Variants in PTPRK observed in about 807,000 individuals in gnomAD.
PTPRK encodes protein tyrosine phosphatase receptor type K.
In PTPRK, 75 loss-of-function variants were observed where a neutral mutation model predicts 178.0. That is an observed-to-expected ratio of 0.42 (90% CI 0.35 to 0.51). The LOEUF (loss-of-function observed/expected upper bound fraction) is 0.51. Among genes scored for constraint, PTPRK ranks in the 20% least tolerant of loss-of-function variants. The pLI, the probability that PTPRK is intolerant of heterozygous loss-of-function variation, is 0.02. For missense variants in PTPRK, 1,441 were observed against 1,797.8 expected (o/e 0.80, Z 3.59); for synonymous variants, 637 against 620.6 (o/e 1.03, Z -0.39).
chr6:127,981,741 C>T (rs538248065), intron 24 of PTPRK, among the ~76,000 whole-genome samples: 3 of 152,294 alleles, frequency 2.0e-5, no homozygotes, highest in African/African-American at 7.2e-5. Context: ...TTTATTTTCA[C>T]CCACCTTCAG....
intron 13 of PTPRK, among the ~76,000 whole-genome samples, chr6:128,044,829 A>ATG (rs962892207): frequency 4.0e-5 from 6 of 151,814 alleles, no homozygotes; most frequent in Non-Finnish European, 8.8e-5. Flanking sequence ...ATTTGTATAT[A>ATG]TGTGTGTGTG....
chr6:127,995,843 T>C (rs770139988), intron 17 of PTPRK, among the ~76,000 whole-genome samples: 2 of 152,096 alleles, frequency 1.3e-5, no homozygotes, highest in Non-Finnish European at 2.9e-5. Context: ...ACTTAACTTC[T>C]AATTTTGCTT....
chr6:127,987,360 C>T (rs924442258), intron 21 of PTPRK, among the ~76,000 whole-genome samples: 1 of 152,030 alleles, frequency 6.6e-6, no homozygotes, highest in African/African-American at 2.4e-5. Flanking sequence ...TATTCTGGAA[C>T]ATGGTGCATG....
At chr6:128,517,366 G>A (rs371400395) in intron 1 of PTPRK, among the ~76,000 whole-genome samples, 3 of 152,088 alleles carry the variant, frequency 2.0e-5, no homozygotes, top group East Asian at 1.9e-4. Flanking sequence ...ATCTGGTTTC[G>A]TCAGTCATCT....
At chr6:128,117,368 A>G (rs1306713558) in intron 7 of PTPRK, among the ~76,000 whole-genome samples, 1 of 152,136 alleles carries the variant, frequency 6.6e-6, no homozygotes, top group East Asian at 1.9e-4. Context: ...TAAGCAATAT[A>G]TCTTCAATAA....
At chr6:127,973,594 T>C in intron 28 of PTPRK, 70 bp downstream of exon 28, 1 of 1,564,386 alleles carries the variant, frequency 6.4e-7, no homozygotes, top group East Asian at 2.2e-5. Context: ...AGCCAGATAG[T>C]CTTTAACATT....
intron 16 of PTPRK, among the ~76,000 whole-genome samples, chr6:127,997,346 G>A (rs1777274839): frequency 6.6e-6 from 1 of 152,074 alleles, no homozygotes; most frequent in Non-Finnish European, 1.5e-5. Flanking sequence ...CTTTTAATGA[G>A]TATCTTTCAA....
At chr6:128,346,634 A>G (rs552755184) in intron 2 of PTPRK, among the ~76,000 whole-genome samples, 1 of 152,142 alleles carries the variant, frequency 6.6e-6, no homozygotes, top group Non-Finnish European at 1.5e-5. Context: ...CAGCCTGTAA[A>G]TGTTCCCTTC....
At chr6:128,501,547 G>A (rs75606736) in intron 1 of PTPRK, among the ~76,000 whole-genome samples, 8,444 of 152,250 alleles carry the variant, frequency 0.055, 298 homozygotes, top group Non-Finnish European at 0.083. Context: ...TGTGGGCGGA[G>A]CCTAACAAAG....
intron 5 of PTPRK, among the ~76,000 whole-genome samples, chr6:128,236,847 C>G (rs1206694684): frequency 6.6e-6 from 1 of 152,082 alleles, no homozygotes; most frequent in Non-Finnish European, 1.5e-5. Context: ...ATTATATAAT[C>G]CAATTCTTAC....
At chr6:128,323,430 A>T (rs1829109141) in intron 2 of PTPRK, among the ~76,000 whole-genome samples, 1 of 152,154 alleles carries the variant, frequency 6.6e-6, no homozygotes, top group Non-Finnish European at 1.5e-5. Context: ...ACCAAAATAT[A>T]TCAGATGTAG....
intron 1 of PTPRK, among the ~76,000 whole-genome samples, chr6:128,398,616 T>G (rs1840646765): frequency 6.6e-6 from 1 of 152,212 alleles, no homozygotes; most frequent in Non-Finnish European, 1.5e-5. Flanking sequence ...AAAGAACTCT[T>G]TGAAATCTCA....
At chr6:128,307,202 CACATAGACACACACAT>C (rs1826537959) in intron 3 of PTPRK, among the ~76,000 whole-genome samples, 1 of 149,066 alleles carries the variant, frequency 6.7e-6, no homozygotes, top group Non-Finnish European at 1.5e-5. Flanking sequence ...CACACACACA[CACATAGACACACACAT>C]ACAAGACAAA....
chr6:128,049,423 G>A (rs573731557), intron 13 of PTPRK, among the ~76,000 whole-genome samples: 21 of 152,102 alleles, frequency 1.4e-4, no homozygotes, highest in Admixed American at 9.2e-4. Context: ...TCTTATCAAT[G>A]CCCGCTTGCT....
At chr6:128,483,679 C>A (rs1852408228) in intron 1 of PTPRK, among the ~76,000 whole-genome samples, 1 of 152,136 alleles carries the variant, frequency 6.6e-6, no homozygotes, top group Non-Finnish European at 1.5e-5. Context: ...TGTCATTTTG[C>A]ACCCAATCAC....
intron 13 of PTPRK, among the ~76,000 whole-genome samples, chr6:128,024,634 C>A (rs1349139115): frequency 1.3e-5 from 2 of 151,902 alleles, no homozygotes; most frequent in African/African-American, 2.4e-5. Flanking sequence ...CATGGTGAAA[C>A]CCCATCTCTA....
chr6:128,516,605 GA>G (rs1858070541), intron 1 of PTPRK, among the ~76,000 whole-genome samples: 1 of 152,160 alleles, frequency 6.6e-6, no homozygotes, highest in South Asian at 2.1e-4. Flanking sequence ...AGACAACAAG[GA>G]GTCAGATACT....
chr6:127,973,591 T>G (rs908455438), intron 28 of PTPRK, 73 bp downstream of exon 28: 11 of 1,546,896 alleles, frequency 7.1e-6, no homozygotes, highest in Admixed American at 3.6e-5. Context: ...GCAAGCCAGA[T>G]AGTCTTTAAC....
rs118176575 is a variant in PTPRK at position 128,041,221 on chromosome 6, A to G, written c.2194+23537T>C. Among the ~76,000 whole-genome samples, 1,339 of 152,196 alleles carry G rather than the reference A, an allele frequency of 8.8e-3. 48 individuals are homozygous for G. Among genetic ancestry groups the G allele is most frequent in the East Asian group, 0.053 (272 of 5,178 alleles). On this transcript the variant is annotated intron_variant, in intron 13 of 29. Transcript: ENST00000368226. ...TAAACACATAAAACAAACTCAAAGA[A>G]TATCATATTCTATCTTTCCCTCCTA...
Sources: gnomAD v4.1 joint callset for allele counts (sites outside exome capture counted in the v4.1 genomes callset) on GRCh38, gnomAD v4.1.1 for gene constraint, MANE v1.5 for transcripts, NCBI Gene and HGNC (gene_info 2026-07-23, HGNC 2026-07-21) for gene names.